TNFRSF13C: variants seen among roughly 807,000 people sequenced by gnomAD.
TNFRSF13C encodes TNF receptor superfamily member 13C.
Under a neutral mutation model 12.1 loss-of-function variants are expected in TNFRSF13C, and 7 were observed. The observed-to-expected ratio is 0.58, with a 90% CI of 0.33 to 1.08. The LOEUF (loss-of-function observed/expected upper bound fraction) is 1.08, where lower values mean the gene tolerates loss of function less well. Ranked by LOEUF, TNFRSF13C falls within the 50% of genes least tolerant of loss-of-function variation. The pLI is 0.04. For synonymous variants in TNFRSF13C, 157 were observed against 130.8 expected, an observed-to-expected ratio of 1.20 and a Z score of -1.37; for missense variants, 260 against 265.9, an observed-to-expected ratio of 0.98 and a Z score of 0.15.
chr22:41,925,601 C>CTGAG (rs1222327839), intron 2 of TNFRSF13C, 47 bp from the exon 3 acceptor site: 1 of 1,602,726 alleles, frequency 6.2e-7, no homozygotes, highest in Admixed American at 1.7e-5. Context: ...ACAGCCTTCC[C>CTGAG]TCCCTCCCCT....
In TNFRSF13C at chr22:41,926,389, G is replaced by A. The variant is rs2077631633; in HGVS notation, c.137-58C>T. 7.0e-6 allele frequency: 9 copies of A among 1,283,384 alleles called. No homozygotes were observed. Among genetic ancestry groups the A allele is most frequent in the Non-Finnish European group, 9.0e-6 (9 of 1,005,002 alleles). The allele number at this position is 1,283,384 out of a possible 1,614,324, so 79.5% of individuals were successfully genotyped here. A position where few individuals can be genotyped will look rare whatever the true frequency, so the allele number is the denominator to read the frequency against. On this transcript the variant is annotated intron_variant, in intron 1 of 2. Coordinates refer to ENST00000291232, the MANE Select transcript of TNFRSF13C (RefSeq NM_052945.4). The surrounding 1 kb of genome is among the most constrained non-coding windows in gnomAD (Gnocchi z 4.9). ...GGGGCCGAGGGGAGGGAGGAGCGGG[G>A]ACGGGGAGGGGCGGAGGGGGGCGAG...
rs1432686637 is a variant in TNFRSF13C, at chr22:41,924,163, C to T, written c.*1204G>A. ...CCTGAGGCCAGGAGTTTGAGACTGG[C>T]CTGGGCAACATACCGAGACCCTGTC... On this transcript the variant is annotated 3_prime_UTR_variant, in exon 3 of 3. Coordinates refer to ENST00000291232, the MANE Select transcript of TNFRSF13C (RefSeq NM_052945.4). 6.7e-6 allele frequency: 1 copy of T among 149,846 alleles called. No homozygotes were observed. The highest frequency in any genetic ancestry group is 1.5e-5 in the Non-Finnish European group (1 of 67,806). The allele number at this position is 149,846 out of a possible 1,614,324, so 9.3% of individuals were successfully genotyped here. A position where few individuals can be genotyped will look rare whatever the true frequency, so the allele number is the denominator to read the frequency against.
chr22:41,926,640 G>A lies in TNFRSF13C; in HGVS notation c.134C>T (p.Pro45Leu), dbSNP rs1028425566. Residue 45 changes from proline (P) to leucine (L), a missense_variant and splice_region_variant, in exon 1 of 3, where the codon CCG becomes CTG. Coordinates refer to ENST00000291232, the MANE Select transcript of TNFRSF13C (RefSeq NM_052945.4). This position sits in a 1 kb window ranked among gnomAD's most constrained non-coding sequence, Gnocchi z 4.9. ...CGLLRTPRPK[P>L]AGASSPAPRT... ...CGCGCCCCGTGGGTCCCCCTTACCC[G>A]GTTTCGGCCGCGGCGTGCGCAGGAG... 2 of 1,459,116 alleles carry A rather than the reference G, an allele frequency of 1.4e-6. No homozygotes were observed. The highest frequency in any genetic ancestry group is 1.8e-6 in the Non-Finnish European group (2 of 1,110,670). 90.4% of individuals were successfully genotyped at this position (1,459,116 alleles called of 1,614,324 possible). A position where few individuals can be genotyped will look rare whatever the true frequency, so the allele number is the denominator to read the frequency against.
Position 41,925,378 on chromosome 22 carries a change from C to T in TNFRSF13C, c.544G>A (p.Glu182Lys). ...CTGCCGGCTCCCTGCTATTGTTGCTCAGGGCCGGCCGTCTTGGTGGTCACC... is the reference window on the plus strand; with the variant it reads ...CTGCCGGCTCCCTGCTATTGTTGCTTAGGGCCGGCCGTCTTGGTGGTCACC... ...ELVTTKTAGP[E>K]QQ Residue 182 changes from glutamate (E) to lysine (K), a missense_variant, in exon 3 of 3, where the codon GAG (glutamate) becomes AAG (lysine). Glu to Lys is a moderately conservative substitution (Grantham distance 56). Coordinates refer to ENST00000291232, the MANE Select transcript of TNFRSF13C (RefSeq NM_052945.4). 6.2e-7 allele frequency: 1 copy of T among 1,604,638 alleles called. No individual in the cohort carries two copies. The highest frequency in any genetic ancestry group is 1.1e-5 in the South Asian group (1 of 90,970).
rs746278066 is a variant in TNFRSF13C, at chr22:41,926,226, G to C, written c.242C>G (p.Ala81Gly). The change falls in exon 2 of 3, where the codon GCC (alanine) becomes GGC (glycine). Residue 81 changes from alanine (A) to glycine (G), a missense_variant. Coordinates refer to ENST00000291232, the MANE Select transcript of TNFRSF13C (RefSeq NM_052945.4). This position sits in a 1 kb window ranked among gnomAD's most constrained non-coding sequence, Gnocchi z 4.9. ...CAGTGCCAGGCCCAGCAGCGCGGGG[G>C]CGCCAAAGAGCAGCCCGGGCAGGGG... ...ALPLPGLLFG[A>G]PALLGLALVL... 2 of 1,588,384 alleles carry C rather than the reference G, an allele frequency of 1.3e-6. No homozygotes were observed. The highest frequency in any genetic ancestry group is 3.5e-5 in the Admixed American group (2 of 57,884).
intron 2 of TNFRSF13C, 87 bp from the exon 3 acceptor site, chr22:41,925,641 G>C: frequency 6.6e-7 from 1 of 1,517,962 alleles, no homozygotes; most frequent in Non-Finnish European, 9.0e-7. Context: ...GCAGTCCTCC[G>C]TCAAATGAAG....
chr22:41,926,768 C>A lies in TNFRSF13C; in HGVS notation c.6G>T (p.Arg2Ser). 7.4e-7 allele frequency: 1 copy of A among 1,345,740 alleles called. No homozygotes were observed. The allele number at this position is 1,345,740 out of a possible 1,614,324, so 83.4% of individuals were successfully genotyped here. MRRGPRSLRGRD... is the reference protein window; with the variant it reads MSRGPRSLRGRD... ...TGCCCCGCAGGCTCCGGGGCCCTCG[C>A]CTCATGGTGCCGACGCCGCCGCACA... Residue 2 changes from arginine to serine, a missense_variant, in exon 1 of 3, where the codon AGG (arginine) becomes AGT (serine). By Grantham distance (110) the Arg-to-Ser change is moderately radical. Transcript: ENST00000291232. The surrounding 1 kb of genome is among the most constrained non-coding windows in gnomAD (Gnocchi z 4.9).
chr22:41,926,093 G>T lies in TNFRSF13C; in HGVS notation c.367+8C>A. ...GCTCAGACTGGTTCCCCTACACACG[G>T]AACTCACCGTCCTTGTCTCCGTCGG... On this transcript the variant is annotated splice_region_variant and intron_variant, in intron 2 of 2. Transcript: ENST00000291232. The surrounding 1 kb of genome is among the most constrained non-coding windows in gnomAD (Gnocchi z 4.9). The T allele has an allele frequency of 6.2e-7, 1 of 1,612,452 alleles. No homozygotes were observed. Among genetic ancestry groups the T allele is most frequent in the South Asian group, 1.1e-5 (1 of 91,036 alleles).
chr22:41,926,568 G>T lies in TNFRSF13C; in HGVS notation c.136+70C>A. The T allele has an allele frequency of 7.4e-7, 1 of 1,350,166 alleles. No homozygotes were observed. Among genetic ancestry groups the T allele is most frequent in the South Asian group, 1.8e-5 (1 of 55,436 alleles). 83.6% of individuals were successfully genotyped at this position (1,350,166 alleles called of 1,614,324 possible). ...GCCCCCGGGGGTCGGGGCTCTGCCT[G>T]CGCCCTGGCGATCGGGGCCCCGTTC... On this transcript the variant is annotated intron_variant, in intron 1 of 2. Coordinates refer to ENST00000291232, the MANE Select transcript of TNFRSF13C (RefSeq NM_052945.4). This position sits in a 1 kb window ranked among gnomAD's most constrained non-coding sequence, Gnocchi z 4.9.
At position 41,925,427 on chromosome 22, in the gene TNFRSF13C, G is replaced by A. The variant is rs1384740581; in HGVS notation, c.495C>T (p.Ala165=). The A allele has an allele frequency of 7.4e-6, 12 of 1,611,508 alleles. No individual in the cohort carries two copies. Among genetic ancestry groups the A allele is most frequent in the Non-Finnish European group, 1.0e-5 (12 of 1,180,006 alleles). Residue 165 remains alanine, a synonymous_variant, in exon 3 of 3, where the codon GCC becomes GCT. Coordinates refer to ENST00000291232, the MANE Select transcript of TNFRSF13C (RefSeq NM_052945.4). ...CCAGTTCAGTGGAGCCCAGCTCTGT[G>A]GCTGGCACAGGGACACTGTGGCCAG... The part of the protein sequence containing the change: ...TPPGHSVPVP[A]TELGSTELVT...
rs1303280070 is a variant in TNFRSF13C, at chr22:41,925,536, T to C, written c.386A>G (p.Lys129Arg). 2 of 1,613,148 alleles carry C rather than the reference T, an allele frequency of 1.2e-6. No individual in the cohort carries two copies. The highest frequency in any genetic ancestry group is 2.2e-5 in the East Asian group (1 of 44,868). The change falls in exon 3 of 3, where the codon AAG becomes AGG. Residue 129 changes from lysine to arginine, a missense_variant. Coordinates refer to ENST00000291232, the MANE Select transcript of TNFRSF13C (RefSeq NM_052945.4). Reference sequence around the variant, plus strand: ...GATTCCCGGAGACAGAATGATGACCTTGTCCAGGGGCTCTGGGGCTGCAGG... The same window carrying C: ...GATTCCCGGAGACAGAATGATGACCCTGTCCAGGGGCTCTGGGGCTGCAGG... ...GDKDAPEPLD[K>R]VIILSPGISD...
Position 41,926,164 on chromosome 22 carries a change from T to G in TNFRSF13C, c.304A>C (p.Arg102=). The change falls in exon 2 of 3, where the codon AGG becomes CGG. Residue 102 remains arginine, a synonymous_variant. Transcript: ENST00000291232. This position sits in a 1 kb window ranked among gnomAD's most constrained non-coding sequence, Gnocchi z 4.9. ...CCGCGAAGCCGCCGCTGTCGCCGCCTCCAGCTCACCAGACCCACCAGGACC... is the reference window on the plus strand; with the variant it reads ...CCGCGAAGCCGCCGCTGTCGCCGCCGCCAGCTCACCAGACCCACCAGGACC... The part of the protein sequence containing the change: ...ALVLVGLVSW[R]RRQRRLRGAS... 6.2e-7 allele frequency: 1 copy of G among 1,611,536 alleles called. No individual in the cohort carries two copies. The highest frequency in any genetic ancestry group is 8.5e-7 in the Non-Finnish European group (1 of 1,179,676).
chr22:41,925,893 G>A (rs750818936), intron 2 of TNFRSF13C, among the ~76,000 whole-genome samples: 9 of 152,184 alleles, frequency 5.9e-5, no homozygotes, highest in Non-Finnish European at 1.2e-4. Flanking sequence ...GGGCAGAGCT[G>A]TTCCTGGCTC....
chr22:41,925,687 A>G (rs2077625435), intron 2 of TNFRSF13C, 133 bp from the exon 3 acceptor site: 1 of 1,127,226 alleles, frequency 8.9e-7, no homozygotes, highest in East Asian at 2.6e-5. Flanking sequence ...CACCTGGCTG[A>G]CCCTGAGTCC....
In TNFRSF13C at chr22:41,926,694, A is replaced by G; in HGVS notation, c.80T>C (p.Leu27Pro). 1 of 1,459,624 alleles carries G rather than the reference A, an allele frequency of 6.9e-7. No homozygotes were observed. The allele number at this position is 1,459,624 out of a possible 1,614,324, so 90.4% of individuals were successfully genotyped here. Residue 27 changes from leucine (L) to proline (P), a missense_variant, in exon 1 of 3, where the codon CTG (leucine) becomes CCG (proline). Coordinates refer to ENST00000291232, the MANE Select transcript of TNFRSF13C (RefSeq NM_052945.4). This position sits in a 1 kb window ranked among gnomAD's most constrained non-coding sequence, Gnocchi z 4.9. ...GCAGGCCACGCAGTGGCGGACCAGC[A>G]GGTCGAAGCACTCGGCCGGGACGCA... ...TPCVPAECFD[L>P]LVRHCVACGL...
intron 2 of TNFRSF13C, among the ~76,000 whole-genome samples, chr22:41,925,781 G>T (rs1046792735): frequency 1.1e-4 from 17 of 152,092 alleles, no homozygotes; most frequent in Admixed American, 1.1e-3. Flanking sequence ...GGATTTATGG[G>T]GGAACCAAGC....
Position 41,926,611 on chromosome 22 carries a change from G to A in TNFRSF13C, c.136+27C>T, listed in dbSNP as rs1015464003. 3.5e-6 allele frequency: 5 copies of A among 1,416,708 alleles called. No individual in the cohort carries two copies. Among genetic ancestry groups the A allele is most frequent in the Admixed American group, 3.0e-5 (1 of 33,648 alleles). 87.8% of individuals were successfully genotyped at this position (1,416,708 alleles called of 1,614,324 possible). On this transcript the variant is annotated intron_variant, in intron 1 of 2. Transcript: ENST00000291232. The surrounding 1 kb of genome is among the most constrained non-coding windows in gnomAD (Gnocchi z 4.9). Reference sequence around the variant, plus strand: ...CCCCGTTCTCCCCGCAGCTGCCGGCGCCGCGCGCCCCGTGGGTCCCCCTTA... The same window carrying A: ...CCCCGTTCTCCCCGCAGCTGCCGGCACCGCGCGCCCCGTGGGTCCCCCTTA...
In TNFRSF13C at chr22:41,926,353, A is replaced by G. The variant is rs1226220636; in HGVS notation, c.137-22T>C. ...CCGGCTGCTTCGGGAGGGGACAGGG[A>G]GGGAGGCCAGGGGGCCGAGGGGAGG... On this transcript the variant is annotated intron_variant, in intron 1 of 2. Coordinates refer to ENST00000291232, the MANE Select transcript of TNFRSF13C (RefSeq NM_052945.4). This position sits in a 1 kb window ranked among gnomAD's most constrained non-coding sequence, Gnocchi z 4.9. The G allele has an allele frequency of 2.8e-6, 3 of 1,067,094 alleles. No homozygotes were observed. Among genetic ancestry groups the G allele is most frequent in the East Asian group, 1.0e-4 (1 of 9,852 alleles). The allele number at this position is 1,067,094 out of a possible 1,614,324, so 66.1% of individuals were successfully genotyped here.
At position 41,923,914 on chromosome 22, in the gene TNFRSF13C, C is replaced by T. The variant is rs1351347265; in HGVS notation, c.*1453G>A. ...CAATCTCAGGGTTGACCCTGGGGTA[C>T]AGATACCTGAGAATCAGCAAAATCC... On this transcript the variant is annotated 3_prime_UTR_variant, in exon 3 of 3. Transcript: ENST00000291232. 4 of 152,198 alleles carry T rather than the reference C, an allele frequency of 2.6e-5. No homozygotes were observed. Among genetic ancestry groups the T allele is most frequent in the Non-Finnish European group, 4.4e-5 (3 of 68,046 alleles). The allele number at this position is 152,198 out of a possible 1,614,324, so 9.4% of individuals were successfully genotyped here. A position where few individuals can be genotyped will look rare whatever the true frequency, so the allele number is the denominator to read the frequency against.
Sources: allele counts gnomAD v4.1 joint callset (sites outside exome capture counted in the v4.1 genomes callset), GRCh38; gene constraint gnomAD v4.1.1; non-coding constraint Gnocchi (gnomAD v3.1); transcripts MANE v1.5; gene names NCBI Gene and HGNC (gene_info 2026-07-23, HGNC 2026-07-21).